PCDHGA5: variants seen among roughly 807,000 people sequenced by gnomAD.
PCDHGA5 encodes the protein protocadherin gamma subfamily A, 5, also known as protocadherin gamma-A5.
A neutral mutation model predicts 56.7 loss-of-function variants in PCDHGA5; 36 were observed. The observed-to-expected ratio is 0.64, with a 90% CI of 0.49 to 0.84. PCDHGA5 has a LOEUF of 0.84. Ranked by LOEUF, PCDHGA5 falls within the 40% of genes least tolerant of loss-of-function variation. The pLI is 0.00. For missense variants in PCDHGA5, 1,305 were observed against 1,201.5 expected (o/e 1.09, Z -1.27); for synonymous variants, 563 against 520.2 (o/e 1.08, Z -1.12).
intron 1 of PCDHGA5, chr5:141,415,030 G>A (rs374572942): frequency 1.2e-6 from 2 of 1,613,460 alleles, no homozygotes; most frequent in African/African-American, 2.7e-5. Flanking sequence ...CAGCGAGCCG[G>A]GACTCTTCGC....
intron 1 of PCDHGA5, chr5:141,430,865 C>G: frequency 6.3e-7 from 1 of 1,595,350 alleles, no homozygotes; most frequent in Non-Finnish European, 8.5e-7. Flanking sequence ...CTATTCAGTT[C>G]CGGAAGAGCT....
intron 1 of PCDHGA5, among the ~76,000 whole-genome samples, chr5:141,451,830 G>A (rs940668278): frequency 6.6e-5 from 10 of 151,238 alleles, no homozygotes; most frequent in East Asian, 1.9e-4. Flanking sequence ...ACAGTGAGCC[G>A]AGATCACACC....
chr5:141,451,007 T>A (rs2098704118), intron 1 of PCDHGA5, among the ~76,000 whole-genome samples: 1 of 151,594 alleles, frequency 6.6e-6, no homozygotes, highest in Non-Finnish European at 1.5e-5. Flanking sequence ...TTGTATTTTT[T>A]TTAGTAGAGA....
At position 141,477,115 on chromosome 5, in the gene PCDHGA5, A is replaced by T. The variant is rs1218111107; in HGVS notation, c.2422-17692A>T. On this transcript the variant is annotated intron_variant, in intron 1 of 3. Coordinates refer to ENST00000518069, the MANE Select transcript of PCDHGA5 (RefSeq NM_018918.3). The surrounding 1 kb of genome is among the most constrained non-coding windows in gnomAD (Gnocchi z 4.9). Reference sequence around the variant, plus strand: ...AAGACAAGGGCGCCAATCCCGAAGGAGCACATTGCAAAGTGTTGGTGGAGG... The same window carrying T: ...AAGACAAGGGCGCCAATCCCGAAGGTGCACATTGCAAAGTGTTGGTGGAGG... The T allele has an allele frequency of 6.2e-7, 1 of 1,614,230 alleles. No individual in the cohort carries two copies. Among genetic ancestry groups the T allele is most frequent in the Non-Finnish European group, 8.5e-7 (1 of 1,180,038 alleles).
chr5:141,422,959 C>T, intron 1 of PCDHGA5: 5 of 1,614,234 alleles, frequency 3.1e-6, no homozygotes, highest in African/African-American at 1.3e-5. Flanking sequence ...TGGCGTGGAG[C>T]TGGCGCCCCG....
intron 1 of PCDHGA5, chr5:141,416,818 C>T (rs766541497): frequency 9.9e-5 from 15 of 151,960 alleles, no homozygotes; most frequent in Admixed American, 2.6e-4. Flanking sequence ...AAAAGCATTC[C>T]GAAGTTTCTC....
At chr5:141,409,709 T>G (rs1328690143) in intron 1 of PCDHGA5, 2 of 1,613,198 alleles carry the variant, frequency 1.2e-6, no homozygotes, top group Non-Finnish European at 8.5e-7. Context: ...GGCGGTGTCG[T>G]CATACGTGTC....
At chr5:141,425,686 A>C (rs1026122573) in intron 1 of PCDHGA5, among the ~76,000 whole-genome samples, 4 of 152,252 alleles carry the variant, frequency 2.6e-5, no homozygotes, top group Non-Finnish European at 5.9e-5. Context: ...AATACTGCAT[A>C]TCATTTCATA....
chr5:141,426,909 G>A (rs1293364217), intron 1 of PCDHGA5: 1 of 456,744 alleles, frequency 2.2e-6, no homozygotes, highest in Non-Finnish European at 4.4e-6. Flanking sequence ...TCATCTCCTG[G>A]TCCTGGAAGC....
At chr5:141,423,666 A>G in intron 1 of PCDHGA5, 1 of 1,494,380 alleles carries the variant, frequency 6.7e-7, no homozygotes, top group Non-Finnish European at 8.9e-7. Context: ...ATCAGGTGAG[A>G]TTTATTTCTC....
rs188066304 is a variant in PCDHGA5, at chr5:141,450,907, C to T, written c.2422-43900C>T. On this transcript the variant is annotated intron_variant, in intron 1 of 3. Coordinates refer to ENST00000518069, the MANE Select transcript of PCDHGA5 (RefSeq NM_018918.3). ...TGGTGCGATATCGGCTCACTGCAAC[C>T]GCTGCCTCCCAGATTCAAGCAATTC... is the stretch of plus-strand genomic sequence containing the variant. 6.7e-3 allele frequency among the ~76,000 whole-genome samples: 1,004 copies of T among 150,024 alleles called. 12 individuals carry two copies. The highest frequency in any genetic ancestry group is 0.024 in the African/African-American group (970 of 40,702).
rs778209794 is a variant in PCDHGA5 at position 141,408,298 on chromosome 5, G to C, written c.2421+41547G>C. The C allele has an allele frequency of 4.3e-6, 7 of 1,613,586 alleles. No homozygotes were observed. The Admixed American group carries it at 5.0e-5, about 12-fold the overall frequency. ...TGTTCTACCCCACCCTGAGTGAGCCGATCCGCTACTCGATTCCGGAGGAGC... is the reference window on the plus strand; with the variant it reads ...TGTTCTACCCCACCCTGAGTGAGCCCATCCGCTACTCGATTCCGGAGGAGC... On this transcript the variant is annotated intron_variant, in intron 1 of 3. Coordinates refer to ENST00000518069, the MANE Select transcript of PCDHGA5 (RefSeq NM_018918.3).
rs781651287 is a variant in PCDHGA5, at chr5:141,505,380, A to G, written c.2481-13A>G. ...CCTGGGAGTCTGTGCTCACCATCCT[A>G]CTCTCTCCCCAGCTCCCAAAATGGC... On this transcript the variant is annotated splice_polypyrimidine_tract_variant and intron_variant, in intron 2 of 3. Transcript: ENST00000518069. The G allele has an allele frequency of 4.3e-6, 7 of 1,613,362 alleles. No homozygotes were observed. The African/African-American group carries it at 5.4e-5, about 12-fold the overall frequency.
chr5:141,507,816 TG>T (rs1478957063), intron 3 of PCDHGA5, among the ~76,000 whole-genome samples: 1 of 152,130 alleles, frequency 6.6e-6, no homozygotes, highest in African/African-American at 2.4e-5. Flanking sequence ...GAACGGACCC[TG>T]GGGGTGGAGG....
At chr5:141,375,517 C>T (rs1399312320) in intron 1 of PCDHGA5, 3 of 1,614,038 alleles carry the variant, frequency 1.9e-6, no homozygotes, top group Non-Finnish European at 1.7e-6. Flanking sequence ...ATGCACTGGA[C>T]CCTGACGTGG....
intron 1 of PCDHGA5, chr5:141,427,619 C>T: frequency 1.4e-6 from 1 of 696,342 alleles, no homozygotes; most frequent in Non-Finnish European, 2.6e-6. Context: ...AAGTCAACGA[C>T]AATGCTCCGG....
At chr5:141,492,527 G>A (rs1000672383) in intron 1 of PCDHGA5, among the ~76,000 whole-genome samples, 1 of 152,184 alleles carries the variant, frequency 6.6e-6, no homozygotes, top group African/African-American at 2.4e-5. Flanking sequence ...TCTCCCACCT[G>A]CGCCCCGGGC....
At chr5:141,369,035 T>C (rs1765998324) in intron 1 of PCDHGA5, among the ~76,000 whole-genome samples, 1 of 152,204 alleles carries the variant, frequency 6.6e-6, no homozygotes. Context: ...TGCCTAGTTT[T>C]AGAGTAACAA....
In PCDHGA5 at chr5:141,414,114, T is replaced by C. The variant is rs145910780; in HGVS notation, c.2421+47363T>C. The C allele has an allele frequency of 2.0e-5, 32 of 1,592,348 alleles. 2 individuals carry two copies. In the East Asian group the frequency reaches 6.3e-4, roughly 32 times the overall value. ...TAAAAATATCAGAAAATCTAGATTA[T>C]GAAGAAACCGGTTTCTATGAAATAG... On this transcript the variant is annotated intron_variant, in intron 1 of 3. Coordinates refer to ENST00000518069, the MANE Select transcript of PCDHGA5 (RefSeq NM_018918.3).
Sources: allele counts gnomAD v4.1 joint callset (sites outside exome capture counted in the v4.1 genomes callset), GRCh38; gene constraint gnomAD v4.1.1; non-coding constraint Gnocchi (gnomAD v3.1); transcripts MANE v1.5; gene names NCBI Gene and HGNC (gene_info 2026-07-23, HGNC 2026-07-21).